DLG2: variants seen among roughly 807,000 people sequenced by gnomAD.
DLG2 encodes the protein discs large MAGUK scaffold protein 2.
DLG2 carries 45 observed loss-of-function variants against 132.5 expected under a neutral mutation model. The observed-to-expected ratio is 0.34, with a 90% CI of 0.27 to 0.44. The LOEUF is 0.44. Ranked by LOEUF, DLG2 falls within the 20% of genes least tolerant of loss-of-function variation. The probability of loss-of-function intolerance (pLI) is 1.00; values close to 1 mark genes in which losing one functional copy is unlikely to be tolerated. For missense variants in DLG2, 1,045 were observed against 1,196.9 expected (o/e 0.87, Z 1.87); for synonymous variants, 424 against 419.6 (o/e 1.01, Z -0.13).
At chr11:83,855,026 C>A (rs1295356184) in intron 16 of DLG2, among the ~76,000 whole-genome samples, 1 of 152,118 alleles carries the variant, frequency 6.6e-6, no homozygotes, top group African/African-American at 2.4e-5. Context: ...ACCTCAGACA[C>A]CTCATCAAAG....
At chr11:83,803,613 AG>A (rs1347466427) in intron 17 of DLG2, among the ~76,000 whole-genome samples, 13 of 152,180 alleles carry the variant, frequency 8.5e-5, no homozygotes, top group Non-Finnish European at 1.5e-4. Flanking sequence ...GAAAGCAATA[AG>A]GATGTTCATT....
chr11:84,911,389 T>G (rs1042261753), intron 6 of DLG2, among the ~76,000 whole-genome samples: 4 of 151,832 alleles, frequency 2.6e-5, no homozygotes, highest in Admixed American at 1.3e-4. Flanking sequence ...TTATATCCCA[T>G]TAAATATTTT....
chr11:84,105,082 T>A (rs532527578), intron 9 of DLG2, among the ~76,000 whole-genome samples: 121 of 152,288 alleles, frequency 7.9e-4, no homozygotes, highest in African/African-American at 2.7e-3. Flanking sequence ...TATCACATTG[T>A]CTCTTCTGAA....
chr11:84,551,175 A>C (rs1473672912), intron 6 of DLG2, among the ~76,000 whole-genome samples: 2 of 152,198 alleles, frequency 1.3e-5, no homozygotes, highest in Non-Finnish European at 2.9e-5. Context: ...ACAATCAGAC[A>C]CTTTAATAAA....
intron 3 of DLG2, among the ~76,000 whole-genome samples, chr11:85,408,544 C>G: frequency 8.5e-6 from 1 of 117,842 alleles, no homozygotes; most frequent in African/African-American, 3.1e-5. Flanking sequence ...TATCCCTCCC[C>G]CCTCCCCCCA....
At chr11:84,467,601 C>T (rs1293605514) in intron 7 of DLG2, among the ~76,000 whole-genome samples, 1 of 151,090 alleles carries the variant, frequency 6.6e-6, no homozygotes, top group African/African-American at 2.4e-5. Context: ...GACCCTTTTA[C>T]ATTAAAACAC....
intron 6 of DLG2, among the ~76,000 whole-genome samples, chr11:84,833,923 T>C (rs994173162): frequency 1.3e-5 from 2 of 151,622 alleles, no homozygotes; most frequent in Non-Finnish European, 3.0e-5. Flanking sequence ...TAAAATTGGA[T>C]GTCAAGGGAA....
intron 6 of DLG2, among the ~76,000 whole-genome samples, chr11:85,088,581 G>A (rs969196269): frequency 6.6e-6 from 1 of 152,282 alleles, no homozygotes; most frequent in African/African-American, 2.4e-5. Context: ...ATCTGATCAA[G>A]TCTTCATGAA....
chr11:85,213,799 G>A (rs1023822481), intron 4 of DLG2, among the ~76,000 whole-genome samples: 1 of 152,078 alleles, frequency 6.6e-6, no homozygotes, highest in East Asian at 1.9e-4. Flanking sequence ...GACAGGAAGG[G>A]TATGTTCAGG....
intron 15 of DLG2, among the ~76,000 whole-genome samples, chr11:83,897,905 G>T (rs2072246196): frequency 6.6e-6 from 1 of 152,108 alleles, no homozygotes; most frequent in South Asian, 2.1e-4. Context: ...CCTCCTGATG[G>T]TTGTATCATC....
chr11:85,359,807 G>A (rs981759645), intron 3 of DLG2, among the ~76,000 whole-genome samples: 4 of 152,106 alleles, frequency 2.6e-5, no homozygotes, highest in Admixed American at 6.6e-5. Context: ...CTACAGAGGA[G>A]TAGAATACAT....
intron 18 of DLG2, among the ~76,000 whole-genome samples, chr11:83,657,552 T>TTG (rs2072927416): frequency 6.9e-6 from 1 of 144,694 alleles, no homozygotes; most frequent in African/African-American, 2.6e-5. Context: ...TTTTTTTTTT[T>TTG]TTTTGAGATG....
At chr11:84,864,086 C>T (rs1420603250) in intron 6 of DLG2, among the ~76,000 whole-genome samples, 2 of 152,204 alleles carry the variant, frequency 1.3e-5, no homozygotes, top group Admixed American at 1.3e-4. Context: ...GGACAGGTTA[C>T]ATACTTCTAC....
chr11:83,714,773 T>C (rs1373522069), intron 18 of DLG2, among the ~76,000 whole-genome samples: 2 of 152,210 alleles, frequency 1.3e-5, no homozygotes, highest in African/African-American at 4.8e-5. Context: ...GTGCACAGCA[T>C]GCAGGTTTGT....
chr11:84,494,270 C>T (rs754277893), intron 7 of DLG2, among the ~76,000 whole-genome samples: 6 of 152,116 alleles, frequency 3.9e-5, no homozygotes, highest in Non-Finnish European at 8.8e-5. Flanking sequence ...GCTGCCCATG[C>T]CTTTGGCTTG....
At chr11:84,204,566 C>T (rs182703672) in intron 8 of DLG2, among the ~76,000 whole-genome samples, 3 of 152,046 alleles carry the variant, frequency 2.0e-5, no homozygotes, top group African/African-American at 7.2e-5. Context: ...AGATAAATTA[C>T]TAATGGTGGA....
chr11:84,892,484 C>G (rs2089555898), intron 6 of DLG2, among the ~76,000 whole-genome samples: 2 of 151,940 alleles, frequency 1.3e-5, no homozygotes, highest in African/African-American at 4.8e-5. Flanking sequence ...TAAACATTTG[C>G]TGGATGGATT....
At chr11:83,589,458 G>C (rs1297763574) in intron 19 of DLG2, among the ~76,000 whole-genome samples, 31 of 151,182 alleles carry the variant, frequency 2.1e-4, no homozygotes, top group African/African-American at 4.4e-4. Flanking sequence ...TTTGTCACCA[G>C]CAGGCCTGCC....
chr11:84,592,846 C>A lies in DLG2; in HGVS notation c.358-58115G>T, dbSNP rs182292612. On this transcript the variant is annotated intron_variant, in intron 6 of 27. Coordinates refer to ENST00000376104, the MANE Select transcript of DLG2 (RefSeq NM_001142699.3). Reference sequence around the variant, plus strand: ...GTAACAGGATTACAGGCCTGTAATCCCAGCACTTTGGGAGGCCAAGGCGAG... The same window carrying A: ...GTAACAGGATTACAGGCCTGTAATCACAGCACTTTGGGAGGCCAAGGCGAG... 2.6e-3 allele frequency among the ~76,000 whole-genome samples: 380 copies of A among 144,064 alleles called. 2 individuals are homozygous for A. Among genetic ancestry groups the A allele is most frequent in the African/African-American group, 9.3e-3 (355 of 38,320 alleles). 94.5% of individuals were successfully genotyped at this position (144,064 alleles called of 152,430 possible). A position where few individuals can be genotyped will look rare whatever the true frequency, so the allele number is the denominator to read the frequency against.
Sources: gnomAD v4.1 joint callset for allele counts (sites outside exome capture counted in the v4.1 genomes callset) on GRCh38, gnomAD v4.1.1 for gene constraint, MANE v1.5 for transcripts, NCBI Gene and HGNC (gene_info 2026-07-23, HGNC 2026-07-21) for gene names.